The following ZKSCAN3 variants were observed in gnomAD, a reference collection of about 807,000 sequenced individuals.
The protein encoded by ZKSCAN3 is zinc finger protein with KRAB and SCAN domains 3.
ZKSCAN3 carries 21 observed loss-of-function variants against 30.7 expected under a neutral mutation model. The observed-to-expected ratio is 0.68, with a 90% CI of 0.49 to 0.99. The LOEUF (loss-of-function observed/expected upper bound fraction) is 0.99. Ranked by LOEUF, ZKSCAN3 falls within the 50% of genes least tolerant of loss-of-function variation. ZKSCAN3 has a pLI of 0.00. For synonymous variants in ZKSCAN3, 201 were observed against 246.7 expected, an observed-to-expected ratio of 0.81 and a Z score of 1.73; for missense variants, 507 against 647.1, an observed-to-expected ratio of 0.78 and a Z score of 2.35.
At position 28,359,951 on chromosome 6, in the gene ZKSCAN3, A is replaced by G. The variant is rs776074354; in HGVS notation, c.365A>G (p.Glu122Gly). ...GGGGAGGAGGTGGTGGTGCTATTGG[A>G]GTATTTGGAGAGGCAGCTGGATGAG... The part of the protein sequence containing the change: ...ESGEEVVVLL[E>G]YLERQLDEPA... The change falls in exon 2 of 6, where the codon GAG (glutamate) becomes GGG (glycine). Residue 122 changes from glutamate (E) to glycine (G), a missense_variant. Glu to Gly is a moderately conservative substitution (Grantham distance 98). Coordinates refer to ENST00000252211, the MANE Select transcript of ZKSCAN3 (RefSeq NM_024493.4). The G allele has an allele frequency of 1.2e-6, 2 of 1,614,028 alleles. No individual in the cohort carries two copies. Among genetic ancestry groups the G allele is most frequent in the Admixed American group, 1.7e-5 (1 of 60,006 alleles).
At chr6:28,360,462 A>T in intron 2 of ZKSCAN3, 1 of 583,638 alleles carries the variant, frequency 1.7e-6, no homozygotes, top group Non-Finnish European at 2.2e-6. Context: ...ACTTTCTCTT[A>T]AAGACTAGTT....
In ZKSCAN3 at chr6:28,366,122, G is replaced by A. The variant is rs561174912; in HGVS notation, c.1454G>A (p.Cys485Tyr). The change falls in exon 6 of 6, where the codon TGT (cysteine) becomes TAT (tyrosine). Residue 485 changes from cysteine to tyrosine, a missense_variant. Cys to Tyr is a radical substitution (Grantham distance 194). Coordinates refer to ENST00000252211, the MANE Select transcript of ZKSCAN3 (RefSeq NM_024493.4). ...ETPMSYKCNE[C>Y]ERSFTQNTGL... is the part of the protein sequence containing the mutation. ...CCCATGTCTTATAAATGTAATGAGT[G>A]TGAAAGAAGTTTCACTCAGAATACA... 3.7e-6 allele frequency: 6 copies of A among 1,610,732 alleles called. No individual in the cohort carries two copies. The highest frequency in any genetic ancestry group is 2.7e-5 in the African/African-American group (2 of 74,718).
intron 3 of ZKSCAN3, 128 bp from the exon 4 acceptor site, chr6:28,363,175 A>G: frequency 2.7e-6 from 2 of 753,984 alleles, no homozygotes; most frequent in Non-Finnish European, 4.3e-6. Context: ...AGCTCATTGC[A>G]GCTTCAGACT....
intron 1 of ZKSCAN3, among the ~76,000 whole-genome samples, chr6:28,353,055 G>A (rs1456331805): frequency 6.7e-6 from 1 of 149,174 alleles, no homozygotes; most frequent in Non-Finnish European, 1.5e-5. Flanking sequence ...TGCAACCTCC[G>A]CCTTCCGGGT....
intron 5 of ZKSCAN3, 126 bp downstream of exon 5, chr6:28,363,941 C>A: frequency 1.6e-6 from 2 of 1,260,946 alleles, no homozygotes; most frequent in Non-Finnish European, 1.1e-6. Flanking sequence ...TTTCTGAAAG[C>A]CTGTAACTGA....
chr6:28,352,839 T>C (rs1464426903), intron 1 of ZKSCAN3, among the ~76,000 whole-genome samples: 2 of 152,188 alleles, frequency 1.3e-5, no homozygotes, highest in African/African-American at 2.4e-5. Flanking sequence ...TTTCCTTCTA[T>C]TCCCTACCAT....
intron 1 of ZKSCAN3, among the ~76,000 whole-genome samples, chr6:28,356,570 AGTGGCT>A (rs1765438738): frequency 6.6e-6 from 1 of 152,192 alleles, no homozygotes; most frequent in South Asian, 2.1e-4. Flanking sequence ...CTTGGGGCCC[AGTGGCT>A]GTTCATGCTC....
intron 2 of ZKSCAN3, 21 bp downstream of exon 2, chr6:28,360,009 A>G (rs767690491): frequency 3.2e-5 from 52 of 1,614,052 alleles, no homozygotes; most frequent in Middle Eastern, 1.6e-4. Context: ...CAGGTTTAGT[A>G]TCTGAGCGCT....
Position 28,363,758 on chromosome 6 carries a change from CAG to C in ZKSCAN3, c.701_702del (p.Gln234ArgfsTer5). On this transcript the variant is annotated frameshift_variant, in exon 5 of 6. Coordinates refer to ENST00000252211, the MANE Select transcript of ZKSCAN3 (RefSeq NM_024493.4). LOFTEE classifies it high-confidence loss of function. ...TPEWTQQDSS[Q>X]GNLCRDEKQE... Reference sequence around the variant, plus strand: ...TGAATGGACACAGCAGGATTCATCTCAGGGGAATCTCTGTAGAGATGAAAAGC... The same window carrying C: ...TGAATGGACACAGCAGGATTCATCTCGGGAATCTCTGTAGAGATGAAAAGC... 2 of 1,614,068 alleles carry C rather than the reference CAG, an allele frequency of 1.2e-6. No individual in the cohort carries two copies. Among genetic ancestry groups the C allele is most frequent in the African/African-American group, 1.3e-5 (1 of 75,032 alleles).
Position 28,365,373 on chromosome 6 carries a change from A to C in ZKSCAN3, c.758-53A>C. ...TTCTTGCCTCCCTGGTACTCATCAC[A>C]GAGCTTTCCTTCCATGGCATAAGCC... is the stretch of plus-strand genomic sequence containing the variant. On this transcript the variant is annotated intron_variant, in intron 5 of 5. Coordinates refer to ENST00000252211, the MANE Select transcript of ZKSCAN3 (RefSeq NM_024493.4). 2.6e-6 allele frequency: 4 copies of C among 1,561,102 alleles called. 1 individual carries two copies. Among genetic ancestry groups the C allele is most frequent in the Admixed American group, 1.9e-5 (1 of 52,004 alleles).
rs199815062 is a variant in ZKSCAN3, at chr6:28,363,762, G to A, written c.704G>A (p.Gly235Glu). The A allele has an allele frequency of 9.3e-6, 15 of 1,614,014 alleles. No individual in the cohort carries two copies. In the East Asian group the frequency reaches 2.5e-4, roughly 26 times the overall value. Residue 235 changes from glycine (G) to glutamate (E), a missense_variant, in exon 5 of 6, where the codon GGG becomes GAG. Coordinates refer to ENST00000252211, the MANE Select transcript of ZKSCAN3 (RefSeq NM_024493.4). ...TGGACACAGCAGGATTCATCTCAGG[G>A]GAATCTCTGTAGAGATGAAAAGCAG... Reference protein sequence around the residue: ...PEWTQQDSSQGNLCRDEKQEN... With the variant: ...PEWTQQDSSQENLCRDEKQEN...
In ZKSCAN3 at chr6:28,365,712, C is replaced by G. The variant is rs1765935211; in HGVS notation, c.1044C>G (p.Gly348=). The stretch of plus-strand genomic sequence containing the variant: ...AACCCTACGAATGTGAAGAGTGTGG[C>G]AAAGCCTTCATTGGGAGCTCTGCCC... ...GEKPYECEEC[G]KAFIGSSALV... Residue 348 remains glycine (G), a synonymous_variant, in exon 6 of 6, where the codon GGC becomes GGG. Coordinates refer to ENST00000252211, the MANE Select transcript of ZKSCAN3 (RefSeq NM_024493.4). 3.1e-6 allele frequency: 5 copies of G among 1,613,404 alleles called. No individual in the cohort carries two copies. The highest frequency in any genetic ancestry group is 2.5e-6 in the Non-Finnish European group (3 of 1,179,692).
chr6:28,360,142 C>A, intron 2 of ZKSCAN3, 154 bp downstream of exon 2: 1 of 1,351,882 alleles, frequency 7.4e-7, no homozygotes, highest in Non-Finnish European at 1.0e-6. Context: ...CCCTGGACTC[C>A]TTCTCAGAAT....
At chr6:28,356,351 G>C (rs1412595411) in intron 1 of ZKSCAN3, 1 of 152,252 alleles carries the variant, frequency 6.6e-6, no homozygotes, top group East Asian at 1.9e-4. Flanking sequence ...ACCGGCATCA[G>C]ACCACACTGT....
At chr6:28,349,893 A>T (rs1764852327), upstream of ZKSCAN3, 1 of 152,354 alleles carries the variant, frequency 6.6e-6, no homozygotes, top group African/African-American at 2.4e-5. The surrounding 1 kb of genome is among the most constrained non-coding windows in gnomAD (Gnocchi z 4.1). Flanking sequence ...TCTGTCAGGG[A>T]GGTGGCTAGA....
In ZKSCAN3 at chr6:28,360,001, G is replaced by A; in HGVS notation, c.402+13G>A. ...GCCGGCGCCGCAGGTAGAAAGAACA[G>A]GTTTAGTATCTGAGCGCTGTGGCCT... On this transcript the variant is annotated intron_variant, in intron 2 of 5. Coordinates refer to ENST00000252211, the MANE Select transcript of ZKSCAN3 (RefSeq NM_024493.4). 4 of 1,614,162 alleles carry A rather than the reference G, an allele frequency of 2.5e-6. No individual in the cohort carries two copies. Among genetic ancestry groups the A allele is most frequent in the Non-Finnish European group, 3.4e-6 (4 of 1,180,030 alleles).
Position 28,366,092 on chromosome 6 carries a change from A to G in ZKSCAN3, c.1424A>G (p.Glu475Gly). The G allele has an allele frequency of 6.2e-7, 1 of 1,609,098 alleles. No individual in the cohort carries two copies. Among genetic ancestry groups the G allele is most frequent in the Non-Finnish European group, 8.5e-7 (1 of 1,178,034 alleles). Residue 475 changes from glutamate (E) to glycine (G), a missense_variant, in exon 6 of 6, where the codon GAA becomes GGA. By Grantham distance (98) the Glu-to-Gly change is moderately conservative. Coordinates refer to ENST00000252211, the MANE Select transcript of ZKSCAN3 (RefSeq NM_024493.4). ...ATGGAAAGCCAGTTGGAAAATGTTG[A>G]AACTCCCATGTCTTATAAATGTAAT... is the stretch of plus-strand genomic sequence containing the variant. ...SRMESQLENV[E>G]TPMSYKCNEC...
chr6:28,362,994 G>A (rs957228015), intron 3 of ZKSCAN3, among the ~76,000 whole-genome samples: 1 of 152,078 alleles, frequency 6.6e-6, no homozygotes, highest in Non-Finnish European at 1.5e-5. Context: ...CATTGTTTTC[G>A]TGTATCTGCA....
intron 1 of ZKSCAN3, 47 bp from the exon 2 acceptor site, chr6:28,359,478 G>T: frequency 7.2e-7 from 1 of 1,387,868 alleles, no homozygotes. Context: ...AGGAGAGAAG[G>T]GACTACTTGC....
Sources: allele counts gnomAD v4.1 joint callset (sites outside exome capture counted in the v4.1 genomes callset), GRCh38; gene constraint gnomAD v4.1.1; non-coding constraint Gnocchi (gnomAD v3.1); transcripts MANE v1.5; gene names NCBI Gene and HGNC (gene_info 2026-07-23, HGNC 2026-07-21).